VAV1: variants seen among roughly 807,000 people sequenced by gnomAD.
VAV1 encodes proto-oncogene vav.
In VAV1, 33 loss-of-function variants were observed where a neutral mutation model predicts 128.1. The observed-to-expected ratio is 0.26, with a 90% CI of 0.20 to 0.34. VAV1 has a LOEUF of 0.34. Among genes scored for constraint, VAV1 ranks in the 10% least tolerant of loss-of-function variants. The probability of loss-of-function intolerance (pLI) is 1.00; values close to 1 mark genes in which losing one functional copy is unlikely to be tolerated. For missense variants in VAV1, 715 were observed against 1,093.7 expected (o/e 0.65, Z 4.88); for synonymous variants, 394 against 409.8 (o/e 0.96, Z 0.47).
intron 1 of VAV1, among the ~76,000 whole-genome samples, chr19:6,789,557 T>C (rs1169121652): frequency 1.3e-5 from 2 of 151,836 alleles, no homozygotes; most frequent in Non-Finnish European, 2.9e-5. Context: ...GGCTCTTTCC[T>C]TTCTTTTCTG....
rs1180172903 is a variant in VAV1 at position 6,826,553 on chromosome 19, G to A, written c.828-59G>A. The stretch of plus-strand genomic sequence containing the variant: ...AAGAGCAAGGCCAGGGCTGACGCCA[G>A]CCTCTGCCCGACCTTGATGCCAGTC... On this transcript the variant is annotated intron_variant, in intron 8 of 26. Coordinates refer to ENST00000602142, the MANE Select transcript of VAV1 (RefSeq NM_005428.4). This position sits in a 1 kb window ranked among gnomAD's most constrained non-coding sequence, Gnocchi z 4.1. 2.1e-5 allele frequency: 28 copies of A among 1,359,514 alleles called. No individual in the cohort carries two copies. Among genetic ancestry groups the A allele is most frequent in the Non-Finnish European group, 2.8e-5 (27 of 976,138 alleles). 84.2% of individuals were successfully genotyped at this position (1,359,514 alleles called of 1,614,324 possible).
chr19:6,822,848 C>T lies in VAV1; in HGVS notation c.654+334C>T, dbSNP rs191362301. 1.9e-3 allele frequency among the ~76,000 whole-genome samples: 275 copies of T among 144,486 alleles called. 3 individuals are homozygous for T. The highest frequency in any genetic ancestry group is 6.6e-3 in the African/African-American group (261 of 39,788). 94.8% of individuals were successfully genotyped at this position (144,486 alleles called of 152,430 possible). A position where few individuals can be genotyped will look rare whatever the true frequency, so the allele number is the denominator to read the frequency against. On this transcript the variant is annotated intron_variant, in intron 6 of 26. Coordinates refer to ENST00000602142, the MANE Select transcript of VAV1 (RefSeq NM_005428.4). The surrounding 1 kb of genome is among the most constrained non-coding windows in gnomAD (Gnocchi z 5.9). The stretch of plus-strand genomic sequence containing the variant: ...TAAATAGAAAATATATAAATATATA[C>T]AAAGTATATATAAAAATATAAACAT...
rs1970837032 is a variant in VAV1 at position 6,784,323 on chromosome 19, G to T, written c.204+11312G>T. On this transcript the variant is annotated intron_variant, in intron 1 of 26. Coordinates refer to ENST00000602142, the MANE Select transcript of VAV1 (RefSeq NM_005428.4). The stretch of plus-strand genomic sequence containing the variant: ...TAGAATAAGAAGGACCTGAGCCAAG[G>T]CCATGGGGGAGGAATTCAGCTGGGG... The T allele has an allele frequency of 1.1e-5, 5 of 465,878 alleles. No individual in the cohort carries two copies. The South Asian group carries it at 2.2e-4, about 20-fold the overall frequency. The allele number at this position is 465,878 out of a possible 1,614,324, so 28.9% of individuals were successfully genotyped here.
rs10422749 is a variant in VAV1, at chr19:6,833,059, A to C, written c.1509-125A>C. The C allele has an allele frequency of 5.2e-3, 4,202 of 813,122 alleles. 85 individuals are homozygous for C. Among genetic ancestry groups the C allele is most frequent in the East Asian group, 0.044 (1,589 of 36,446 alleles). The allele number at this position is 813,122 out of a possible 1,614,324, so 50.4% of individuals were successfully genotyped here. The stretch of plus-strand genomic sequence containing the variant: ...GGCCAAAGGGTGAAAACGACCCAAA[A>C]GCCAATCAATGAATGAGTGGACACG... On this transcript the variant is annotated intron_variant, in intron 15 of 26. Transcript: ENST00000602142.
intron 1 of VAV1, among the ~76,000 whole-genome samples, chr19:6,790,221 G>C (rs867752328): frequency 6.6e-6 from 1 of 152,216 alleles, no homozygotes; most frequent in African/African-American, 2.4e-5. Context: ...GAGGAAGAGG[G>C]GAGGAAGACT....
chr19:6,824,504 A>G (rs1211764480), intron 6 of VAV1, among the ~76,000 whole-genome samples: 4 of 152,038 alleles, frequency 2.6e-5, no homozygotes, highest in Non-Finnish European at 5.9e-5. Context: ...TCATGGCTGA[A>G]TAATATTCCA....
At chr19:6,847,515 C>T (rs1043988479) in intron 22 of VAV1, among the ~76,000 whole-genome samples, 2 of 152,098 alleles carry the variant, frequency 1.3e-5, no homozygotes, top group African/African-American at 4.8e-5. Context: ...TGACTTTATT[C>T]ATTTTGATTT....
chr19:6,828,517 C>A lies in VAV1; in HGVS notation c.1092+30C>A. Reference sequence around the variant, plus strand: ...GTGGGTGTAGGGTGCTGGTGACTCACCTGCTGCAGACACCCTCCTGGTAGG... The same window carrying A: ...GTGGGTGTAGGGTGCTGGTGACTCAACTGCTGCAGACACCCTCCTGGTAGG... On this transcript the variant is annotated intron_variant, in intron 11 of 26. Transcript: ENST00000602142. This position sits in a 1 kb window ranked among gnomAD's most constrained non-coding sequence, Gnocchi z 4.5. 1 of 1,613,974 alleles carries A rather than the reference C, an allele frequency of 6.2e-7. No homozygotes were observed.
Position 6,828,262 on chromosome 19 carries a change from C to A in VAV1, c.1023+91C>A. ...CGGGGCTGGCTTCTGGGGGTTGGGT[C>A]TCTAGGACGCTCGGGGATGGGTCAC... On this transcript the variant is annotated intron_variant, in intron 10 of 26. Coordinates refer to ENST00000602142, the MANE Select transcript of VAV1 (RefSeq NM_005428.4). This position sits in a 1 kb window ranked among gnomAD's most constrained non-coding sequence, Gnocchi z 4.5. 2.6e-6 allele frequency: 4 copies of A among 1,529,946 alleles called. No individual in the cohort carries two copies. Among genetic ancestry groups the A allele is most frequent in the Admixed American group, 3.7e-5 (2 of 54,722 alleles). The allele number at this position is 1,529,946 out of a possible 1,614,324, so 94.8% of individuals were successfully genotyped here.
Position 6,851,083 on chromosome 19 carries a change from A to C in VAV1, c.2217+326A>C, listed in dbSNP as rs573224845. ...ATGTATGTATGTGTATTTAAATTTT[A>C]CTTACGTATATATACATATGTATAC... On this transcript the variant is annotated intron_variant, in intron 24 of 26. Coordinates refer to ENST00000602142, the MANE Select transcript of VAV1 (RefSeq NM_005428.4). Among the ~76,000 whole-genome samples the C allele has an allele frequency of 1.6e-4, 24 of 152,176 alleles. No homozygotes were observed. The Middle Eastern group carries it at 0.014, about 86-fold the overall frequency.
At chr19:6,834,632 A>C (rs1440516800) in intron 19 of VAV1, among the ~76,000 whole-genome samples, 1 of 146,620 alleles carries the variant, frequency 6.8e-6, no homozygotes, top group Non-Finnish European at 1.5e-5. Flanking sequence ...TTAATATAAT[A>C]TAGTAATAAT....
intron 1 of VAV1, among the ~76,000 whole-genome samples, chr19:6,800,792 T>TTTTTTTTTTGTG (rs1555699757): frequency 6.1e-5 from 9 of 147,714 alleles, no homozygotes; most frequent in Admixed American, 2.0e-4. Flanking sequence ...TGGCAAATTT[T>TTTTTTTTTTGTG]TGTGTGTGTG....
At chr19:6,855,385 CATCCATCCATCCATCT>C (rs1438165442) in intron 26 of VAV1, among the ~76,000 whole-genome samples, 36 of 152,090 alleles carry the variant, frequency 2.4e-4, no homozygotes, top group Admixed American at 1.8e-3. Context: ...TTCATCCATC[CATCCATCCATCCATCT>C]ATCCATCCAT....
chr19:6,843,399 CGATGATGACAATGAT>C (rs1480674198), intron 22 of VAV1, among the ~76,000 whole-genome samples: 1 of 151,898 alleles, frequency 6.6e-6, no homozygotes, highest in Non-Finnish European at 1.5e-5. Flanking sequence ...ATGATGATGA[CGATGATGACAATGAT>C]GATGATGATA....
chr19:6,772,825 A>G lies in VAV1; in HGVS notation c.18A>G (p.Gln6=), dbSNP rs1256081364. The G allele has an allele frequency of 1.2e-6, 2 of 1,613,770 alleles. No homozygotes were observed. Among genetic ancestry groups the G allele is most frequent in the South Asian group, 1.1e-5 (1 of 91,062 alleles). Residue 6 remains glutamine, a synonymous_variant, in exon 1 of 27, where the codon CAA becomes CAG. Coordinates refer to ENST00000602142, the MANE Select transcript of VAV1 (RefSeq NM_005428.4). The surrounding 1 kb of genome is among the most constrained non-coding windows in gnomAD (Gnocchi z 4.8). ...CGGTAGCCATGGAGCTGTGGCGCCA[A>G]TGCACCCACTGGCTCATCCAGTGCC... MELWR[Q]CTHWLIQCRV...
At chr19:6,787,193 T>G (rs2144705812) in intron 1 of VAV1, among the ~76,000 whole-genome samples, 2 of 152,134 alleles carry the variant, frequency 1.3e-5, no homozygotes, top group Middle Eastern at 3.4e-3. Flanking sequence ...TTTTGTGTTT[T>G]GAGACAGGGT....
chr19:6,781,308 T>C (rs193068884), intron 1 of VAV1, among the ~76,000 whole-genome samples: 2 of 152,334 alleles, frequency 1.3e-5, no homozygotes, highest in Admixed American at 6.5e-5. Context: ...TTGTTATCCG[T>C]CTGGGATTGT....
At chr19:6,816,173 C>T (rs991056184) in intron 1 of VAV1, among the ~76,000 whole-genome samples, 1 of 152,050 alleles carries the variant, frequency 6.6e-6, no homozygotes, top group African/African-American at 2.4e-5. Context: ...GCGCACACCA[C>T]CACGCCCAGC....
intron 1 of VAV1, among the ~76,000 whole-genome samples, chr19:6,814,671 C>CTTCCTTT (rs540074087): frequency 1.6e-4 from 4 of 25,796 alleles, no homozygotes. Flanking sequence ...TTCCTTCCTT[C>CTTCCTTT]CTTTCTTTCT....
Sources: allele counts gnomAD v4.1 joint callset (sites outside exome capture counted in the v4.1 genomes callset), GRCh38; gene constraint gnomAD v4.1.1; non-coding constraint Gnocchi (gnomAD v3.1); transcripts MANE v1.5; gene names NCBI Gene and HGNC (gene_info 2026-07-23, HGNC 2026-07-21).